Variants in CFAP43 observed in about 807,000 individuals in gnomAD.
CFAP43 encodes the protein cilia- and flagella-associated protein 43.
A neutral mutation model predicts 218.9 loss-of-function variants in CFAP43; 155 were observed. The observed-to-expected ratio is 0.71, with a 90% confidence interval of 0.62 to 0.81. The LOEUF is 0.81. Ranked by LOEUF, CFAP43 falls within the 30% of genes least tolerant of loss-of-function variation. The pLI, the probability that CFAP43 is intolerant of heterozygous loss-of-function variation, is 0.00. For synonymous variants in CFAP43, 645 were observed against 681.3 expected (o/e 0.95, Z 0.83); for missense variants, 1,778 against 1,954.3 (o/e 0.91, Z 1.70).
At chr10:104,206,105 A>AG in intron 6 of CFAP43, 75 bp from the exon 7 acceptor site, 3 of 1,127,758 alleles carry the variant, frequency 2.7e-6, no homozygotes, top group Non-Finnish European at 3.9e-6. Flanking sequence ...AATAAAAGCT[A>AG]CTTTTACTGA....
chr10:104,160,591 A>G (rs1239338501), intron 27 of CFAP43, among the ~76,000 whole-genome samples: 1 of 152,264 alleles, frequency 6.6e-6, no homozygotes, highest in African/African-American at 2.4e-5. Flanking sequence ...CTTGAATTTG[A>G]GTTGTAAATA....
rs1234518510 is a variant in CFAP43, at chr10:104,225,466, G to A, written c.411C>T (p.Ala137=). ...SYSSLPEFEL[A]LWNWESSIIL... is the part of the protein sequence containing the mutation. ...CACAGGATGCTGAAACTTACCAAAG[G>A]GCCAGTTCAAATTCTGGGAGAGAGG... is the stretch of plus-strand genomic sequence containing the variant. The change falls in exon 3 of 38, where the codon GCC becomes GCT. Residue 137 remains alanine (A), a synonymous_variant. Transcript: ENST00000357060. 6.2e-7 allele frequency: 1 copy of A among 1,609,134 alleles called. No individual in the cohort carries two copies. Among genetic ancestry groups the A allele is most frequent in the African/African-American group, 1.3e-5 (1 of 74,566 alleles).
At chr10:104,169,229 G>A (rs558448653) in intron 20 of CFAP43, among the ~76,000 whole-genome samples, 5 of 152,320 alleles carry the variant, frequency 3.3e-5, no homozygotes, top group South Asian at 2.1e-4. Flanking sequence ...ACCACTGAGC[G>A]AAGTCTTCCT....
Position 104,146,483 on chromosome 10 carries a change from A to T in CFAP43, c.3769-134T>A, listed in dbSNP as rs662249. ...GTCTGTGAAGTATTTATTCATGAAG[A>T]TAAGATTTATAGAAGAAAATACACC... On this transcript the variant is annotated intron_variant, in intron 29 of 37. Transcript: ENST00000357060. The T allele has an allele frequency of 0.016, 10,146 of 645,058 alleles. 738 individuals are homozygous for T. In the African/African-American group the frequency reaches 0.16, roughly 10 times the overall value. The allele number at this position is 645,058 out of a possible 1,614,324, so 40.0% of individuals were successfully genotyped here.
At position 104,230,760 on chromosome 10, in the gene CFAP43, A is replaced by T; in HGVS notation, c.149T>A (p.Phe50Tyr). 3 of 1,613,964 alleles carry T rather than the reference A, an allele frequency of 1.9e-6. No individual in the cohort carries two copies. Among genetic ancestry groups the T allele is most frequent in the Non-Finnish European group, 2.5e-6 (3 of 1,179,926 alleles). ...CTTTTTCTTGGTTTCAATATTAATA[A>T]ATATTACATAATTCCCACAAGGGTA... Reference protein sequence around the residue: ...ICYPCGNYVIFINIETKKKTV... With the variant: ...ICYPCGNYVIYINIETKKKTV... Residue 50 changes from phenylalanine to tyrosine, a missense_variant, in exon 2 of 38, where the codon TTT becomes TAT. By Grantham distance (22) the Phe-to-Tyr change is conservative (BLOSUM62 3). Transcript: ENST00000357060.
chr10:104,183,515 G>C (rs928867529), intron 16 of CFAP43, among the ~76,000 whole-genome samples: 1 of 150,812 alleles, frequency 6.6e-6, no homozygotes, highest in Admixed American at 6.6e-5. Flanking sequence ...TCAGCCTCCC[G>C]AGTAGCTGGG....
At chr10:104,183,097 C>T (rs1351439115) in intron 16 of CFAP43, among the ~76,000 whole-genome samples, 1 of 152,154 alleles carries the variant, frequency 6.6e-6, no homozygotes, top group Non-Finnish European at 1.5e-5. Flanking sequence ...ACATGTGGCC[C>T]CCTCATCACC....
chr10:104,206,990 A>G (rs1386896692), intron 6 of CFAP43, among the ~76,000 whole-genome samples: 1 of 152,174 alleles, frequency 6.6e-6, no homozygotes, highest in Non-Finnish European at 1.5e-5. Context: ...CCGGGCCAAC[A>G]TGACGAAACC....
In CFAP43 at chr10:104,204,212, C is replaced by G. The variant is rs12219444; in HGVS notation, c.964-409G>C. Among the ~76,000 whole-genome samples the G allele has an allele frequency of 1.4e-3, 206 of 152,264 alleles. 1 individual carries two copies. In the East Asian group the frequency reaches 0.038, roughly 28 times the overall value. ...TCTTTAATCATTATTATGTGCATTT[C>G]TTATCTCCCTAAATGACCCAAGGGT... On this transcript the variant is annotated intron_variant, in intron 7 of 37. Coordinates refer to ENST00000357060, the MANE Select transcript of CFAP43 (RefSeq NM_025145.7).
At chr10:104,159,015 T>C (rs953951720) in intron 27 of CFAP43, among the ~76,000 whole-genome samples, 1 of 152,126 alleles carries the variant, frequency 6.6e-6, no homozygotes, top group Non-Finnish European at 1.5e-5. Flanking sequence ...AAATAAAAAT[T>C]GGTGAAAAAA....
intron 3 of CFAP43, among the ~76,000 whole-genome samples, chr10:104,221,121 A>G (rs918596049): frequency 6.6e-6 from 1 of 152,070 alleles, no homozygotes; most frequent in Non-Finnish European, 1.5e-5. Flanking sequence ...GATTACAGGC[A>G]CCCACCACCA....
Position 104,131,478 on chromosome 10 carries a change from T to G in CFAP43, c.4684A>C (p.Lys1562Gln). ...TTCTTGCAGTTTTCCACATTCTTTT[T>G]GTGCATCTGAAATTTTTGTTCCCAT... ...QTIAVLDKMH[K>Q]KNVENCKKLL... The change falls in exon 37 of 38, where the codon AAA (lysine) becomes CAA (glutamine). Residue 1562 changes from lysine (K) to glutamine (Q), a missense_variant. Lys to Gln is a moderately conservative substitution (Grantham distance 53). Coordinates refer to ENST00000357060, the MANE Select transcript of CFAP43 (RefSeq NM_025145.7). The G allele has an allele frequency of 6.2e-7, 1 of 1,607,272 alleles. No individual in the cohort carries two copies. Among genetic ancestry groups the G allele is most frequent in the Non-Finnish European group, 8.5e-7 (1 of 1,178,346 alleles).
At chr10:104,185,292 G>T in intron 15 of CFAP43, 146 bp from the exon 16 acceptor site, 1 of 988,504 alleles carries the variant, frequency 1.0e-6, no homozygotes, top group Non-Finnish European at 1.5e-6. Context: ...TAGGCAATTG[G>T]CAATACATAG....
At chr10:104,208,329 T>C (rs1236989997) in intron 5 of CFAP43, among the ~76,000 whole-genome samples, 1 of 152,298 alleles carries the variant, frequency 6.6e-6, no homozygotes, top group Middle Eastern at 3.4e-3. Flanking sequence ...CAAAACACCA[T>C]GTCTCTCATT....
intron 10 of CFAP43, 34 bp downstream of exon 10, chr10:104,196,819 A>AT (rs765880012): frequency 5.3e-6 from 8 of 1,516,672 alleles, no homozygotes; most frequent in African/African-American, 4.2e-5. Context: ...AGAATTCAGT[A>AT]TTTTTTTAAA....
chr10:104,186,719 C>G (rs1185181596), intron 14 of CFAP43, among the ~76,000 whole-genome samples: 1 of 152,166 alleles, frequency 6.6e-6, no homozygotes, highest in Non-Finnish European at 1.5e-5. Context: ...TTCTCTGTGT[C>G]TAGTCCTGGC....
At chr10:104,182,631 A>G in intron 16 of CFAP43, 118 bp from the exon 17 acceptor site, 1 of 985,480 alleles carries the variant, frequency 1.0e-6, no homozygotes. Flanking sequence ...TAACCAAGGA[A>G]ATATGTGGAC....
chr10:104,154,082 G>T (rs1371995271), intron 27 of CFAP43, among the ~76,000 whole-genome samples: 1 of 152,164 alleles, frequency 6.6e-6, no homozygotes, highest in Non-Finnish European at 1.5e-5. Context: ...TGGTTAAGTA[G>T]TGTCTGCCAC....
At position 104,193,883 on chromosome 10, in the gene CFAP43, C is replaced by G; in HGVS notation, c.1425G>C (p.Ser475=). 1 of 1,614,016 alleles carries G rather than the reference C, an allele frequency of 6.2e-7. No homozygotes were observed. The highest frequency in any genetic ancestry group is 8.5e-7 in the Non-Finnish European group (1 of 1,179,974). Residue 475 remains serine, a synonymous_variant, in exon 11 of 38, where the codon TCG becomes TCC. Coordinates refer to ENST00000357060, the MANE Select transcript of CFAP43 (RefSeq NM_025145.7). ...GGACTTACACGACGTGCTGCACGGA[C>G]GATTCCGAGAGAAAGGCCTTGTGCA... ...QVVHKAFLSE[S]SVQHVVYDQQ...
Sources: allele counts gnomAD v4.1 joint callset (sites outside exome capture counted in the v4.1 genomes callset), GRCh38; gene constraint gnomAD v4.1.1; transcripts MANE v1.5; gene names NCBI Gene and HGNC (gene_info 2026-07-23, HGNC 2026-07-21).